EEPD1: variants seen among roughly 807,000 people sequenced by gnomAD.
EEPD1 encodes endonuclease/exonuclease/phosphatase family domain-containing protein 1.
In EEPD1, 17 loss-of-function variants were observed where a neutral mutation model predicts 46.3. The ratio of observed to expected loss-of-function variants is 0.37; its 90% CI spans 0.25 to 0.55. The LOEUF is 0.55. Ranked by LOEUF, EEPD1 falls within the 20% of genes least tolerant of loss-of-function variation. EEPD1 has a pLI of 0.83. For synonymous variants in EEPD1, 313 were observed against 315.6 expected (o/e 0.99, Z 0.09); for missense variants, 673 against 745.6 (o/e 0.90, Z 1.13).
chr7:36,265,567 T>C lies in EEPD1; in HGVS notation c.931-15548T>C, dbSNP rs572463377. On this transcript the variant is annotated intron_variant, in intron 3 of 7. Coordinates refer to ENST00000242108, the MANE Select transcript of EEPD1 (RefSeq NM_030636.3). ...TGGATTTGAGTACCTAAATAATTAT[T>C]AATCCTTTCCCCCTTTGTGTTGGCT... 2.0e-5 allele frequency among the ~76,000 whole-genome samples: 3 copies of C among 152,332 alleles called. No individual in the cohort carries two copies. In the South Asian group the frequency reaches 6.2e-4, roughly 32 times the overall value.
At chr7:36,234,288 TTTAAA>T (rs1191645978) in intron 2 of EEPD1, among the ~76,000 whole-genome samples, 1 of 152,202 alleles carries the variant, frequency 6.6e-6, no homozygotes, top group African/African-American at 2.4e-5. Flanking sequence ...TGAAGCTGCT[TTTAAA>T]TTAGCCATTG....
intron 3 of EEPD1, among the ~76,000 whole-genome samples, chr7:36,261,730 G>A (rs1038846187): frequency 1.3e-5 from 2 of 152,172 alleles, no homozygotes; most frequent in East Asian, 1.9e-4. Context: ...AGGTGAAACT[G>A]TTTTTGCTAC....
In EEPD1 at chr7:36,170,141, G is replaced by A. The variant is rs543155941; in HGVS notation, c.878+14939G>A. 7.9e-5 allele frequency among the ~76,000 whole-genome samples: 12 copies of A among 152,172 alleles called. No homozygotes were observed. The East Asian group carries it at 9.7e-4, about 12-fold the overall frequency. On this transcript the variant is annotated intron_variant, in intron 2 of 7. Transcript: ENST00000242108. The stretch of plus-strand genomic sequence containing the variant: ...GTATTTTGGCCGGGTGCGGTGGCTC[G>A]CGCCTGTAATCCCAGCACTTTGCGA...
chr7:36,283,202 C>T (rs1583478006), intron 4 of EEPD1, among the ~76,000 whole-genome samples: 2 of 152,216 alleles, frequency 1.3e-5, no homozygotes, highest in African/African-American at 4.8e-5. Context: ...CCTGTTCCTC[C>T]GGCTGCTGTT....
At chr7:36,186,597 A>AT (rs1292681830) in intron 2 of EEPD1, among the ~76,000 whole-genome samples, 2 of 152,168 alleles carry the variant, frequency 1.3e-5, no homozygotes, top group Non-Finnish European at 2.9e-5. Context: ...ATAGTTGTTT[A>AT]TTTTTTCCTT....
intron 5 of EEPD1, among the ~76,000 whole-genome samples, chr7:36,285,948 C>T (rs1787336219): frequency 6.6e-6 from 1 of 152,148 alleles, no homozygotes; most frequent in Admixed American, 6.5e-5. Context: ...GCTCTGTCTG[C>T]ACATGTACAC....
chr7:36,194,070 A>G (rs923279902), intron 2 of EEPD1, among the ~76,000 whole-genome samples: 2 of 152,310 alleles, frequency 1.3e-5, no homozygotes, highest in Middle Eastern at 3.4e-3. Context: ...GGCTACTTCT[A>G]TTGTGAGGCC....
Position 36,155,161 on chromosome 7 carries a change from CG to C in EEPD1, c.841del (p.Val281CysfsTer7). The C allele has an allele frequency of 1.3e-6, 2 of 1,522,634 alleles. No individual in the cohort carries two copies. The highest frequency in any genetic ancestry group is 1.8e-6 in the Non-Finnish European group (2 of 1,136,548). The allele number at this position is 1,522,634 out of a possible 1,614,324, so 94.3% of individuals were successfully genotyped here. A position where few individuals can be genotyped will look rare whatever the true frequency, so the allele number is the denominator to read the frequency against. ...GTTCCGTGGAGAAGGCCAACAACCC[CG>C]GGGTGCGAGAGGTGGTGTGCATGAC... Reference protein sequence around the residue: ...GCSVEKANNPGVREVVCMTLL... With the variant: ...GCSVEKANNPXVREVVCMTLL... On this transcript the variant is annotated frameshift_variant, in exon 2 of 8. Transcript: ENST00000242108. LOFTEE classifies it high-confidence loss of function.
At chr7:36,195,306 G>T (rs1785558721) in intron 2 of EEPD1, among the ~76,000 whole-genome samples, 1 of 152,216 alleles carries the variant, frequency 6.6e-6, no homozygotes, top group Non-Finnish European at 1.5e-5. Context: ...AGTGTGCTGG[G>T]GGCAGAGCAG....
At chr7:36,290,968 G>A (rs958663783) in intron 6 of EEPD1, among the ~76,000 whole-genome samples, 1 of 152,124 alleles carries the variant, frequency 6.6e-6, no homozygotes, top group African/African-American at 2.4e-5. Flanking sequence ...CATCACCGAC[G>A]CGGATTCAAT....
chr7:36,174,242 C>T (rs887844607), intron 2 of EEPD1, among the ~76,000 whole-genome samples: 1 of 152,220 alleles, frequency 6.6e-6, no homozygotes, highest in Non-Finnish European at 1.5e-5. Context: ...TAGCAAAGTA[C>T]TTCTCTGCTT....
At position 36,177,657 on chromosome 7, in the gene EEPD1, C is replaced by A. The variant is rs968022794; in HGVS notation, c.878+22455C>A. Among the ~76,000 whole-genome samples the A allele has an allele frequency of 2.0e-5, 3 of 152,048 alleles. 1 individual carries two copies. The East Asian group carries it at 5.8e-4, about 29-fold the overall frequency. ...TGTAGGAACCACTTTTTCCAATTCG[C>A]TGTTCATGGGCATCTAGGCTGATTC... is the stretch of plus-strand genomic sequence containing the variant. On this transcript the variant is annotated intron_variant, in intron 2 of 7. Coordinates refer to ENST00000242108, the MANE Select transcript of EEPD1 (RefSeq NM_030636.3).
At position 36,260,075 on chromosome 7, in the gene EEPD1, A is replaced by G. The variant is rs1344878453; in HGVS notation, c.930+21039A>G. On this transcript the variant is annotated intron_variant, in intron 3 of 7. Coordinates refer to ENST00000242108, the MANE Select transcript of EEPD1 (RefSeq NM_030636.3). ...AATACAGTCATATACATATTGTTTT[A>G]TACAGCTGCTTTTAAAATCAGTTAA... Among the ~76,000 whole-genome samples, 10 of 152,242 alleles carry G rather than the reference A, an allele frequency of 6.6e-5. No homozygotes were observed. The East Asian group carries it at 1.9e-3, about 29-fold the overall frequency.
In EEPD1 at chr7:36,301,352, A is replaced by G. The variant is rs1353228371; in HGVS notation, c.*2146A>G. On this transcript the variant is annotated 3_prime_UTR_variant, in exon 8 of 8. Transcript: ENST00000242108. ...TTAATTAATAGGCTTTATTTGTAAG[A>G]GCAGTTTTATGTTTACAGAAAAATT... 6.6e-6 allele frequency: 1 copy of G among 152,180 alleles called. No individual in the cohort carries two copies. Among genetic ancestry groups the G allele is most frequent in the Non-Finnish European group, 1.5e-5 (1 of 68,026 alleles). The allele number at this position is 152,180 out of a possible 1,614,324, so 9.4% of individuals were successfully genotyped here.
chr7:36,284,387 G>C (rs1189857367), intron 4 of EEPD1, among the ~76,000 whole-genome samples: 1 of 152,232 alleles, frequency 6.6e-6, no homozygotes, highest in Non-Finnish European at 1.5e-5. Context: ...CATGGGATGT[G>C]ATGATTCTGA....
intron 3 of EEPD1, among the ~76,000 whole-genome samples, chr7:36,242,172 C>T (rs964971346): frequency 6.6e-5 from 10 of 152,190 alleles, no homozygotes; most frequent in South Asian, 4.1e-4. Context: ...TAATTCTTAA[C>T]TCACAGAGGT....
intron 2 of EEPD1, among the ~76,000 whole-genome samples, chr7:36,169,979 G>A (rs1260516454): frequency 6.6e-6 from 1 of 152,228 alleles, no homozygotes; most frequent in Non-Finnish European, 1.5e-5. Context: ...ACTCCAATGA[G>A]AGGTGAGCTC....
At chr7:36,284,463 C>T (rs561743037) in intron 4 of EEPD1, among the ~76,000 whole-genome samples, 2 of 152,308 alleles carry the variant, frequency 1.3e-5, no homozygotes, top group Non-Finnish European at 2.9e-5. Context: ...CCCAGGCCAC[C>T]CTGTCTGTAT....
At chr7:36,188,070 A>G (rs1467948519) in intron 2 of EEPD1, among the ~76,000 whole-genome samples, 1 of 152,180 alleles carries the variant, frequency 6.6e-6, no homozygotes, top group African/African-American at 2.4e-5. Context: ...TGCTGGGATT[A>G]CAGGTGTGAG....
Sources: allele counts gnomAD v4.1 joint callset (sites outside exome capture counted in the v4.1 genomes callset), GRCh38; gene constraint gnomAD v4.1.1; transcripts MANE v1.5; gene names NCBI Gene and HGNC (gene_info 2026-07-23, HGNC 2026-07-21).